CSNK1G1: variants seen among roughly 807,000 people sequenced by gnomAD.
CSNK1G1 encodes the protein casein kinase I isoform gamma-1.
Under a neutral mutation model 59.6 loss-of-function variants are expected in CSNK1G1, and 22 were observed. The ratio of observed to expected loss-of-function variants is 0.37; its 90% confidence interval spans 0.26 to 0.53. CSNK1G1 has a LOEUF of 0.53. Ranked by LOEUF, CSNK1G1 falls within the 20% of genes least tolerant of loss-of-function variation. CSNK1G1 has a pLI of 0.89. For missense variants in CSNK1G1, 384 were observed against 519.5 expected (o/e 0.74, Z 2.54); for synonymous variants, 179 against 177.1 (o/e 1.01, Z -0.08).
In CSNK1G1 at chr15:64,268,765, T is replaced by C. The variant is rs551444945; in HGVS notation, c.182-9524A>G. On this transcript the variant is annotated intron_variant, in intron 2 of 11. Transcript: ENST00000303052. ...GCCACGGAATGACATTCCTCCAGGG[T>C]TGACTCCCACCTTGTGCCCTAAACT... Among the ~76,000 whole-genome samples, 12 of 152,240 alleles carry C rather than the reference T, an allele frequency of 7.9e-5. No homozygotes were observed. The East Asian group carries it at 1.2e-3, about 15-fold the overall frequency.
At chr15:64,207,738 T>C in intron 6 of CSNK1G1, 144 bp from the exon 7 acceptor site, 1 of 626,386 alleles carries the variant, frequency 1.6e-6, no homozygotes, top group South Asian at 1.9e-5. Flanking sequence ...AAGGATAGTA[T>C]TTTAGATCAA....
At chr15:64,326,051 G>C (rs992080531) in intron 1 of CSNK1G1, among the ~76,000 whole-genome samples, 2 of 152,192 alleles carry the variant, frequency 1.3e-5, no homozygotes, top group African/African-American at 4.8e-5. Context: ...TGGAAACAGA[G>C]TCCTGCTCTG....
In CSNK1G1 at chr15:64,188,303, G is replaced by T; in HGVS notation, c.1108-7849C>A. 4 of 1,145,736 alleles carry T rather than the reference G, an allele frequency of 3.5e-6. No homozygotes were observed. In the South Asian group the frequency reaches 5.7e-5, roughly 16 times the overall value. The allele number at this position is 1,145,736 out of a possible 1,614,324, so 71.0% of individuals were successfully genotyped here. On this transcript the variant is annotated intron_variant, in intron 10 of 11. Coordinates refer to ENST00000303052, the MANE Select transcript of CSNK1G1 (RefSeq NM_022048.5). The surrounding 1 kb of genome is among the most constrained non-coding windows in gnomAD (Gnocchi z 4.2). ...AGCTTCCTTTCTAAGGCTGCCGAAG[G>T]TTCAGAAGCAAGCCAACATTCCACC...
At chr15:64,299,573 C>CA (rs1481414761) in intron 2 of CSNK1G1, among the ~76,000 whole-genome samples, 26 of 150,136 alleles carry the variant, frequency 1.7e-4, no homozygotes, top group Admixed American at 7.3e-4. Flanking sequence ...GCCTGGGCGA[C>CA]AGAGTAAGAC....
intron 10 of CSNK1G1, among the ~76,000 whole-genome samples, chr15:64,183,982 C>A (rs575913821): frequency 6.6e-6 from 1 of 152,058 alleles, no homozygotes; most frequent in Non-Finnish European, 1.5e-5. Flanking sequence ...AGTGATCTGG[C>A]TGGTATTTTT....
At chr15:64,321,640 G>T (rs917628690) in intron 1 of CSNK1G1, among the ~76,000 whole-genome samples, 1 of 152,118 alleles carries the variant, frequency 6.6e-6, no homozygotes, top group Non-Finnish European at 1.5e-5. Flanking sequence ...AATTACTAAA[G>T]ATCTATGGGC....
intron 1 of CSNK1G1, among the ~76,000 whole-genome samples, chr15:64,324,953 C>G (rs942363124): frequency 2.1e-4 from 32 of 152,252 alleles, no homozygotes; most frequent in African/African-American, 7.5e-4. Context: ...TAGAATCCTA[C>G]TAAATTAGCT....
intron 2 of CSNK1G1, among the ~76,000 whole-genome samples, chr15:64,278,456 T>G (rs1893923638): frequency 1.4e-5 from 2 of 142,266 alleles, no homozygotes; most frequent in Non-Finnish European, 1.5e-5. Flanking sequence ...GGACACAGAG[T>G]CTCATTCTGT....
intron 2 of CSNK1G1, among the ~76,000 whole-genome samples, chr15:64,295,691 T>G (rs1894981653): frequency 6.6e-6 from 1 of 152,218 alleles, no homozygotes; most frequent in African/African-American, 2.4e-5. Flanking sequence ...AGTATTACAA[T>G]TAGAGCAAAA....
intron 2 of CSNK1G1, among the ~76,000 whole-genome samples, chr15:64,277,811 A>G (rs1437510580): frequency 7.5e-6 from 1 of 134,050 alleles, no homozygotes; most frequent in Non-Finnish European, 1.5e-5. Context: ...TTAATATATT[A>G]ATATTGATAT....
At chr15:64,318,320 G>A (rs1406791639) in intron 1 of CSNK1G1, among the ~76,000 whole-genome samples, 1 of 151,916 alleles carries the variant, frequency 6.6e-6, no homozygotes. Flanking sequence ...AAAAATAGCT[G>A]CAAATGATTT....
intron 2 of CSNK1G1, among the ~76,000 whole-genome samples, chr15:64,261,415 A>G (rs1892681670): frequency 6.6e-6 from 1 of 152,192 alleles, no homozygotes; most frequent in Admixed American, 6.5e-5. Context: ...AGCCTGGCCA[A>G]CATGGTGAAA....
chr15:64,251,896 A>C (rs1360840828), intron 3 of CSNK1G1, among the ~76,000 whole-genome samples: 5 of 152,200 alleles, frequency 3.3e-5, no homozygotes, highest in African/African-American at 1.2e-4. Context: ...CAAACCTTTA[A>C]ATAAAAAAAT....
Position 64,171,930 on chromosome 15 carries a change from G to A in CSNK1G1, c.*1C>T, listed in dbSNP as rs1167017860. 2 of 1,613,686 alleles carry A rather than the reference G, an allele frequency of 1.2e-6. No homozygotes were observed. Among genetic ancestry groups the A allele is most frequent in the African/African-American group, 2.7e-5 (2 of 74,922 alleles). On this transcript the variant is annotated 3_prime_UTR_variant, in exon 12 of 12. Transcript: ENST00000303052. The surrounding 1 kb of genome is among the most constrained non-coding windows in gnomAD (Gnocchi z 4.8). ...GCCTGAGGACTCCTGGGAGGCACTG[G>A]TCACTTGTGGCGCTGAGCAGTCTTC... is the stretch of plus-strand genomic sequence containing the variant.
chr15:64,252,602 C>T (rs949984432), intron 3 of CSNK1G1, among the ~76,000 whole-genome samples: 23 of 152,054 alleles, frequency 1.5e-4, no homozygotes, highest in African/African-American at 5.3e-4. Context: ...TTTTTGGACA[C>T]GTGAACTGTT....
intron 2 of CSNK1G1, among the ~76,000 whole-genome samples, chr15:64,282,226 G>C (rs997928920): frequency 1.3e-5 from 2 of 152,000 alleles, no homozygotes; most frequent in African/African-American, 2.4e-5. Context: ...ATCATGCCCA[G>C]CCTCTACTTT....
intron 2 of CSNK1G1, among the ~76,000 whole-genome samples, chr15:64,297,163 A>G (rs1450891724): frequency 6.6e-6 from 1 of 152,148 alleles, no homozygotes; most frequent in African/African-American, 2.4e-5. Context: ...ATTAATAGGG[A>G]AACATACATA....
At chr15:64,193,852 T>C (rs927170171) in intron 10 of CSNK1G1, 2 of 152,186 alleles carry the variant, frequency 1.3e-5, no homozygotes, top group African/African-American at 4.8e-5. Flanking sequence ...TTTATCTAGA[T>C]AGGATTACTT....
At chr15:64,207,661 G>T in intron 6 of CSNK1G1, 67 bp from the exon 7 acceptor site, 1 of 1,214,568 alleles carries the variant, frequency 8.2e-7, no homozygotes. Flanking sequence ...TCAAAACCAA[G>T]TAATCCCTTC....
Sources: gnomAD v4.1 joint callset for allele counts (sites outside exome capture counted in the v4.1 genomes callset) on GRCh38, gnomAD v4.1.1 for gene constraint, Gnocchi (gnomAD v3.1) non-coding constraint, MANE v1.5 for transcripts, NCBI Gene and HGNC (gene_info 2026-07-23, HGNC 2026-07-21) for gene names.